PDE10A: variants seen among roughly 807,000 people sequenced by gnomAD.
The protein encoded by PDE10A is phosphodiesterase 10A, also known as cAMP and cAMP-inhibited cGMP 3',5'-cyclic phosphodiesterase 10A.
PDE10A carries 39 observed loss-of-function variants against 97.7 expected under a neutral mutation model. That is an observed-to-expected ratio of 0.40 (90% CI 0.31 to 0.52). PDE10A has a LOEUF of 0.52. PDE10A is among the 20% of genes least tolerant of loss of function. The pLI, the probability that PDE10A is intolerant of heterozygous loss-of-function variation, is 0.56. For missense variants in PDE10A, 731 were observed against 1,047.8 expected (o/e 0.70, Z 4.17); for synonymous variants, 371 against 376.8 (o/e 0.98, Z 0.18).
At chr6:165,931,532 G>A (rs1783133944) in intron 1 of PDE10A, among the ~76,000 whole-genome samples, 1 of 152,232 alleles carries the variant, frequency 6.6e-6, no homozygotes, top group Non-Finnish European at 1.5e-5. Context: ...ATTGTATTGA[G>A]TGCCTATTAT....
At chr6:165,780,181 A>C (rs1033456059) in intron 1 of PDE10A, 1 of 152,246 alleles carries the variant, frequency 6.6e-6, no homozygotes. Flanking sequence ...ACTAATGTCT[A>C]GTAAAAACTT....
chr6:165,911,804 G>A (rs1782463953), intron 1 of PDE10A, among the ~76,000 whole-genome samples: 1 of 152,082 alleles, frequency 6.6e-6, no homozygotes, highest in African/African-American at 2.4e-5. Context: ...TGCACCAGAG[G>A]AGCACAGAGC....
Position 165,854,970 on chromosome 6 carries a change from C to G in PDE10A, c.-615+132559G>C, listed in dbSNP as rs532123296. Among the ~76,000 whole-genome samples, 293 of 151,582 alleles carry G rather than the reference C, an allele frequency of 1.9e-3. 1 individual carries two copies. Among genetic ancestry groups the G allele is most frequent in the African/African-American group, 6.9e-3 (283 of 41,222 alleles). Reference sequence around the variant, plus strand: ...CCTGGAGAGGGAGGCCCAGTTTAGGCGCGGGGGAAGAGGAAGAGGAATGAA... The same window carrying G: ...CCTGGAGAGGGAGGCCCAGTTTAGGGGCGGGGGAAGAGGAAGAGGAATGAA... On this transcript the variant is annotated intron_variant, in intron 1 of 19. Coordinates refer to the PDE10A transcript ENST00000366882.
intron 9 of PDE10A, among the ~76,000 whole-genome samples, chr6:165,429,862 T>C (rs939914568): frequency 6.6e-6 from 1 of 151,172 alleles, no homozygotes; most frequent in African/African-American, 2.4e-5. Flanking sequence ...ACTGAGATAC[T>C]ATACATGGGA....
At chr6:165,746,630 G>T (rs532383781) in intron 1 of PDE10A, among the ~76,000 whole-genome samples, 1 of 152,182 alleles carries the variant, frequency 6.6e-6, no homozygotes, top group African/African-American at 2.4e-5. Flanking sequence ...CTGTGCACGC[G>T]CAGGGAAGAG....
At chr6:165,604,346 A>C (rs553359637) in intron 1 of PDE10A, among the ~76,000 whole-genome samples, 4 of 152,218 alleles carry the variant, frequency 2.6e-5, no homozygotes, top group South Asian at 2.1e-4. Context: ...AGTTTCGAGT[A>C]CCATTCACAT....
In PDE10A at chr6:165,691,193, CTCTCTCTCCCCA is replaced by C. The variant is rs1562687247; in HGVS notation, c.-614-147637_-614-147626del. Among the ~76,000 whole-genome samples the C allele has an allele frequency of 4.8e-3, 314 of 65,368 alleles. 5 individuals carry two copies. The highest frequency in any genetic ancestry group is 0.015 in the South Asian group (27 of 1,758). The allele number at this position is 65,368 out of a possible 152,430, so 42.9% of individuals were successfully genotyped here. On this transcript the variant is annotated intron_variant, in intron 1 of 19. Coordinates refer to the PDE10A transcript ENST00000366882. ...TCTTTCTCTCTCTCTCTCTCCCTCT[CTCTCTCTCCCCA>C]CACACACACACACACACACACACAC...
intron 1 of PDE10A, among the ~76,000 whole-genome samples, chr6:165,639,906 A>G (rs901391796): frequency 6.6e-6 from 1 of 151,954 alleles, no homozygotes; most frequent in Non-Finnish European, 1.5e-5. Context: ...TGTCTTCTAT[A>G]GAGAATTTTA....
chr6:165,573,938 T>C (rs1785177546), intron 1 of PDE10A, among the ~76,000 whole-genome samples: 1 of 152,246 alleles, frequency 6.6e-6, no homozygotes, highest in East Asian at 1.9e-4. Flanking sequence ...CAATGCACCA[T>C]GTGCTTCTTA....
intron 3 of PDE10A, among the ~76,000 whole-genome samples, chr6:165,460,387 T>A (rs1778248739): frequency 6.6e-6 from 1 of 152,002 alleles, no homozygotes; most frequent in South Asian, 2.1e-4. Context: ...AGCTCCTGAT[T>A]GTGCCATATG....
At chr6:165,619,432 G>C (rs1787965449) in intron 1 of PDE10A, among the ~76,000 whole-genome samples, 1 of 145,024 alleles carries the variant, frequency 6.9e-6, no homozygotes. Context: ...GTGTAGTATA[G>C]TGTAGTGTAG....
rs3839483 is a variant in PDE10A at position 165,406,228 on chromosome 6, ATGTGTG to A, written c.2076+7267_2076+7272del. Among the ~76,000 whole-genome samples the A allele has an allele frequency of 3.6e-4, 50 of 140,510 alleles. No individual in the cohort carries two copies. The East Asian group carries it at 6.3e-3, about 18-fold the overall frequency. 92.2% of individuals were successfully genotyped at this position (140,510 alleles called of 152,430 possible). On this transcript the variant is annotated intron_variant, in intron 13 of 21. Transcript: ENST00000539869. ...TTCAAATTCAAGATGAGGGAAAAGG[ATGTGTG>A]TGTGTGTGTGTGTGTGTGTGTGTGT... is the stretch of plus-strand genomic sequence containing the variant.
exon 1 of PDE10A, chr6:165,987,739 C>G (rs996589663): frequency 8.8e-6 from 4 of 456,354 alleles, no homozygotes; most frequent in African/African-American, 4.0e-5. Context: ...TCGCGCGCTC[C>G]GCTCAGCAGG....
chr6:165,431,361 C>T (rs1485072116), intron 8 of PDE10A, 61 bp downstream of exon 8: 4 of 1,064,346 alleles, frequency 3.8e-6, no homozygotes, highest in Non-Finnish European at 5.5e-6. Flanking sequence ...GTCTTCAATG[C>T]CTCACTCCAA....
chr6:165,528,143 T>C (rs1304764412), intron 2 of PDE10A, among the ~76,000 whole-genome samples: 3 of 152,204 alleles, frequency 2.0e-5, no homozygotes, highest in Non-Finnish European at 4.4e-5. Context: ...GAAGCATGAT[T>C]GGAAAATTGG....
chr6:165,758,784 G>C (rs1387269909), intron 1 of PDE10A, among the ~76,000 whole-genome samples: 2 of 152,080 alleles, frequency 1.3e-5, no homozygotes, highest in Non-Finnish European at 1.5e-5. Context: ...ACTCTAAAAA[G>C]GTTCTTCCAT....
intron 1 of PDE10A, among the ~76,000 whole-genome samples, chr6:165,879,236 G>A (rs913233486): frequency 1.3e-5 from 2 of 152,064 alleles, no homozygotes; most frequent in Non-Finnish European, 2.9e-5. Flanking sequence ...TTCATACAAT[G>A]GCCACCAATG....
intron 1 of PDE10A, among the ~76,000 whole-genome samples, chr6:165,590,609 T>C (rs1411553258): frequency 6.6e-6 from 1 of 152,150 alleles, no homozygotes; most frequent in African/African-American, 2.4e-5. Context: ...CAACTTAAGA[T>C]GGTCAGGCAC....
At chr6:165,864,608 T>C (rs1283965701) in intron 1 of PDE10A, among the ~76,000 whole-genome samples, 1 of 152,240 alleles carries the variant, frequency 6.6e-6, no homozygotes, top group African/African-American at 2.4e-5. Context: ...AAATATCATA[T>C]GTGGCTAGTG....
Sources: allele counts gnomAD v4.1 joint callset (sites outside exome capture counted in the v4.1 genomes callset), GRCh38; gene constraint gnomAD v4.1.1; transcripts MANE v1.5; gene names NCBI Gene and HGNC (gene_info 2026-07-23, HGNC 2026-07-21).